Variants in TTC7B observed in about 807,000 individuals in gnomAD.
TTC7B encodes tetratricopeptide repeat domain 7B, also known as tetratricopeptide repeat protein 7B.
A neutral mutation model predicts 106.8 loss-of-function variants in TTC7B; 28 were observed. The observed-to-expected ratio is 0.26, with a 90% CI of 0.19 to 0.36. The LOEUF is 0.36. Among genes scored for constraint, TTC7B ranks in the 10% least tolerant of loss-of-function variants. TTC7B has a pLI of 1.00. For synonymous variants in TTC7B, 405 were observed against 430.6 expected, an observed-to-expected ratio of 0.94 and a Z score of 0.74; for missense variants, 862 against 1,076.4, an observed-to-expected ratio of 0.80 and a Z score of 2.79.
intron 1 of TTC7B, among the ~76,000 whole-genome samples, chr14:90,791,032 G>A (rs952288177): frequency 1.3e-5 from 2 of 151,990 alleles, no homozygotes; most frequent in African/African-American, 2.4e-5. Context: ...AATGCTTCCC[G>A]CTCCTGACCT....
intron 3 of TTC7B, among the ~76,000 whole-genome samples, chr14:90,771,675 G>A (rs548736917): frequency 3.3e-5 from 5 of 151,620 alleles, no homozygotes; most frequent in South Asian, 4.2e-4. Flanking sequence ...ATTTAATGAC[G>A]TGGAAAAATA....
At chr14:90,684,292 G>A (rs11629065) in intron 7 of TTC7B, among the ~76,000 whole-genome samples, 20,944 of 152,008 alleles carry the variant, frequency 0.14, 1,490 homozygotes, top group Middle Eastern at 0.19. Context: ...GCATTTAATT[G>A]TCGAAGCTAC....
At chr14:90,645,523 G>A (rs761616931) in intron 14 of TTC7B, among the ~76,000 whole-genome samples, 2 of 152,142 alleles carry the variant, frequency 1.3e-5, no homozygotes, top group South Asian at 4.1e-4. Flanking sequence ...ACACTCCCTC[G>A]GAGCTCTGGT....
chr14:90,547,647 AG>A (rs1439541739), intron 19 of TTC7B, among the ~76,000 whole-genome samples: 1 of 152,182 alleles, frequency 6.6e-6, no homozygotes, highest in African/African-American at 2.4e-5. Context: ...AAAATACAAA[AG>A]TTAGCTGGGT....
intron 16 of TTC7B, among the ~76,000 whole-genome samples, chr14:90,611,146 A>G (rs1892855336): frequency 6.6e-6 from 1 of 152,138 alleles, no homozygotes; most frequent in Admixed American, 6.5e-5. Context: ...TCCACCTTAC[A>G]GGGGGAAACC....
intron 9 of TTC7B, among the ~76,000 whole-genome samples, chr14:90,665,225 G>A (rs577440974): frequency 1.4e-4 from 21 of 152,154 alleles, no homozygotes; most frequent in African/African-American, 4.6e-4. Context: ...AGGTCCATTC[G>A]CTGTAATCAC....
chr14:90,681,887 GTGTGTA>G (rs1436366596), intron 7 of TTC7B, among the ~76,000 whole-genome samples: 1 of 71,778 alleles, frequency 1.4e-5, no homozygotes, highest in East Asian at 2.6e-3. Flanking sequence ...TGTTGTGTGT[GTGTGTA>G]TGTGTGTGTG....
chr14:90,797,471 C>T (rs1248462212), intron 1 of TTC7B, among the ~76,000 whole-genome samples: 1 of 150,384 alleles, frequency 6.6e-6, no homozygotes, highest in East Asian at 2.0e-4. Flanking sequence ...AAAAAAAAAG[C>T]CTCAGAATGA....
Position 90,541,286 on chromosome 14 carries a change from C to T in TTC7B, c.*82G>A. On this transcript the variant is annotated 3_prime_UTR_variant, in exon 20 of 20. Transcript: ENST00000328459. ...CCTGGCCTCAGTGTGGCAGATTCAT[C>T]CCCTTGGGGCGATGGCACAAGCCCT... 5 of 1,322,572 alleles carry T rather than the reference C, an allele frequency of 3.8e-6. No homozygotes were observed. The highest frequency in any genetic ancestry group is 5.1e-6 in the Non-Finnish European group (5 of 974,346). The allele number at this position is 1,322,572 out of a possible 1,614,324, so 81.9% of individuals were successfully genotyped here.
intron 17 of TTC7B, among the ~76,000 whole-genome samples, chr14:90,607,808 C>T (rs1202487054): frequency 2.6e-5 from 4 of 152,142 alleles, no homozygotes; most frequent in Non-Finnish European, 5.9e-5. Flanking sequence ...TGCAAAATGG[C>T]AGGTGCTCAA....
At chr14:90,621,276 G>A (rs978252611) in intron 15 of TTC7B, among the ~76,000 whole-genome samples, 7 of 150,390 alleles carry the variant, frequency 4.7e-5, no homozygotes, top group Non-Finnish European at 8.9e-5. Flanking sequence ...CAGAGGCCAC[G>A]GGGTACAGCC....
intron 11 of TTC7B, among the ~76,000 whole-genome samples, chr14:90,656,475 C>A (rs138100973): frequency 2.0e-4 from 31 of 152,208 alleles, no homozygotes; most frequent in African/African-American, 7.2e-4. Flanking sequence ...AAATTCAAAT[C>A]TGAACAAGAA....
chr14:90,668,594 C>T (rs1886505215), intron 9 of TTC7B, among the ~76,000 whole-genome samples: 2 of 152,162 alleles, frequency 1.3e-5, no homozygotes, highest in African/African-American at 4.8e-5. Context: ...CATACATTAT[C>T]TCTTTAATCA....
chr14:90,541,268 T>C lies in TTC7B; in HGVS notation c.*100A>G, dbSNP rs758848728. 1 of 1,127,942 alleles carries C rather than the reference T, an allele frequency of 8.9e-7. No individual in the cohort carries two copies. 69.9% of individuals were successfully genotyped at this position (1,127,942 alleles called of 1,614,324 possible). On this transcript the variant is annotated 3_prime_UTR_variant, in exon 20 of 20. Transcript: ENST00000328459. ...GCCCACTGAACACTCGTCCCTGGCC[T>C]CAGTGTGGCAGATTCATCCCCTTGG...
chr14:90,799,592 G>C (rs1456845511), intron 1 of TTC7B, among the ~76,000 whole-genome samples: 1 of 152,124 alleles, frequency 6.6e-6, no homozygotes, highest in Admixed American at 6.5e-5. Flanking sequence ...TCTGAGCGAA[G>C]AGCATTCCAG....
In TTC7B at chr14:90,657,150, G is replaced by C. The variant is rs546136484; in HGVS notation, c.1341+24C>G. 36 of 1,599,726 alleles carry C rather than the reference G, an allele frequency of 2.3e-5. No homozygotes were observed. The highest frequency in any genetic ancestry group is 3.0e-5 in the Non-Finnish European group (35 of 1,168,054). On this transcript the variant is annotated intron_variant, in intron 11 of 19. Coordinates refer to ENST00000328459, the MANE Select transcript of TTC7B (RefSeq NM_001010854.2). The surrounding 1 kb of genome is among the most constrained non-coding windows in gnomAD (Gnocchi z 4.2). ...CTGGCCCAGAGTCCTCTGCAGGAGC[G>C]GGGAGGGGGGCGCCCCTACTCACCC...
intron 13 of TTC7B, 128 bp downstream of exon 13, chr14:90,652,713 C>T (rs1279111701): frequency 9.9e-6 from 10 of 1,008,860 alleles, no homozygotes; most frequent in African/African-American, 1.6e-5. Context: ...GTGTTCGGTG[C>T]TCAGGACGAA....
chr14:90,549,861 C>T (rs964031059), intron 19 of TTC7B, among the ~76,000 whole-genome samples: 3 of 152,142 alleles, frequency 2.0e-5, no homozygotes, highest in South Asian at 2.1e-4. Context: ...CTTAGCAGAT[C>T]GCCCAGCATA....
Position 90,578,632 on chromosome 14 carries a change from C to T in TTC7B, c.2108-324G>A, listed in dbSNP as rs904489587. 6.6e-6 allele frequency among the ~76,000 whole-genome samples: 1 copy of T among 151,998 alleles called. No individual in the cohort carries two copies. The highest frequency in any genetic ancestry group is 2.4e-5 in the African/African-American group (1 of 41,380). On this transcript the variant is annotated intron_variant, in intron 18 of 19. Transcript: ENST00000328459. The surrounding 1 kb of genome is among the most constrained non-coding windows in gnomAD (Gnocchi z 4.7). ...CACCCGGGGCTCCTCAGTGTCTGGACAGAGGCTGGCCCGGTCCAACCCTTG... is the reference window on the plus strand; with the variant it reads ...CACCCGGGGCTCCTCAGTGTCTGGATAGAGGCTGGCCCGGTCCAACCCTTG...
Sources: allele counts gnomAD v4.1 joint callset (sites outside exome capture counted in the v4.1 genomes callset), GRCh38; gene constraint gnomAD v4.1.1; non-coding constraint Gnocchi (gnomAD v3.1); transcripts MANE v1.5; gene names NCBI Gene and HGNC (gene_info 2026-07-23, HGNC 2026-07-21).